PCDHA12: variants seen among roughly 807,000 people sequenced by gnomAD.
PCDHA12 encodes the protein protocadherin alpha 12.
A neutral mutation model predicts 60.0 loss-of-function variants in PCDHA12; 44 were observed. The observed-to-expected ratio is 0.73, with a 90% CI of 0.58 to 0.94. PCDHA12 has a LOEUF of 0.94. PCDHA12 is among the 40% of genes least tolerant of loss of function. The pLI is 0.00. For synonymous variants in PCDHA12, 569 were observed against 553.0 expected, an observed-to-expected ratio of 1.03 and a Z score of -0.40; for missense variants, 1,276 against 1,239.7, an observed-to-expected ratio of 1.03 and a Z score of -0.44.
At chr5:140,883,446 T>TCCC (rs2059615161) in intron 1 of PCDHA12, 1 of 1,614,012 alleles carries the variant, frequency 6.2e-7, no homozygotes, top group African/African-American at 1.3e-5. Context: ...ACGCCGCATG[T>TCCC]CCCCTTCAAG....
chr5:140,995,073 CA>C (rs537697820), intron 3 of PCDHA12, among the ~76,000 whole-genome samples: 319 of 152,298 alleles, frequency 2.1e-3, no homozygotes, highest in African/African-American at 7.3e-3. Flanking sequence ...CAACCTACAG[CA>C]ATCCAAACTT....
intron 1 of PCDHA12, chr5:140,883,197 TC>T: frequency 6.2e-7 from 1 of 1,613,904 alleles, no homozygotes; most frequent in Admixed American, 1.7e-5. Context: ...AAACTAGATT[TC>T]GAAGAAAAGA....
intron 1 of PCDHA12, among the ~76,000 whole-genome samples, chr5:140,951,356 C>T (rs1362153667): frequency 6.6e-6 from 1 of 151,998 alleles, no homozygotes; most frequent in African/African-American, 2.4e-5. Flanking sequence ...CATTATTGCA[C>T]TGTTATAAAG....
chr5:140,884,467 G>A (rs199814121), intron 1 of PCDHA12: 6 of 1,613,778 alleles, frequency 3.7e-6, no homozygotes, highest in Non-Finnish European at 5.1e-6. Context: ...GCGCGTGCGC[G>A]CCGGGCAAGC....
intron 1 of PCDHA12, among the ~76,000 whole-genome samples, chr5:140,977,466 T>A (rs1554238584): frequency 2.0e-5 from 3 of 152,246 alleles, no homozygotes; most frequent in African/African-American, 4.8e-5. Context: ...ATTTGGTCTG[T>A]AGATAATTTT....
intron 1 of PCDHA12, among the ~76,000 whole-genome samples, chr5:140,886,671 C>A (rs1411583056): frequency 6.6e-6 from 1 of 151,634 alleles, no homozygotes; most frequent in East Asian, 1.9e-4. Context: ...ACTAAAAATA[C>A]AAAAATTAGC....
intron 1 of PCDHA12, among the ~76,000 whole-genome samples, chr5:140,907,411 G>T (rs1053744231): frequency 6.6e-6 from 1 of 152,192 alleles, no homozygotes; most frequent in Non-Finnish European, 1.5e-5. Flanking sequence ...GGAATACCAC[G>T]ATGGTGGATA....
At chr5:140,884,345 C>T (rs782318945) in intron 1 of PCDHA12, 1 of 1,613,798 alleles carries the variant, frequency 6.2e-7, no homozygotes, top group Non-Finnish European at 8.5e-7. Flanking sequence ...AGAAGCGGCG[C>T]TGGTGGATGT....
chr5:140,918,107 C>T (rs2078522550), intron 1 of PCDHA12, among the ~76,000 whole-genome samples: 1 of 152,132 alleles, frequency 6.6e-6, no homozygotes. Flanking sequence ...AGATCTTTCA[C>T]ATCCTTGATT....
At chr5:140,926,557 C>G (rs2083347198) in intron 1 of PCDHA12, 1 of 241,254 alleles carries the variant, frequency 4.1e-6, no homozygotes. Context: ...GACCCCAGCC[C>G]GCTGCTACTG....
chr5:140,966,453 C>G, intron 1 of PCDHA12: 1 of 426,310 alleles, frequency 2.3e-6, no homozygotes, highest in Non-Finnish European at 4.1e-6. Flanking sequence ...TTCCCCCTCC[C>G]CCTCTGTCTT....
chr5:140,968,597 G>T, intron 1 of PCDHA12: 1 of 1,614,176 alleles, frequency 6.2e-7, no homozygotes, highest in Non-Finnish European at 8.5e-7. Context: ...CATAGCTATG[G>T]ACTCAGACTC....
intron 1 of PCDHA12, among the ~76,000 whole-genome samples, chr5:140,945,249 T>C (rs1181677082): frequency 6.6e-6 from 1 of 152,050 alleles, no homozygotes; most frequent in African/African-American, 2.4e-5. Flanking sequence ...ACCAAGAGGA[T>C]GAAAGACCTG....
At chr5:140,922,255 A>C (rs1415394722) in intron 1 of PCDHA12, among the ~76,000 whole-genome samples, 2 of 152,256 alleles carry the variant, frequency 1.3e-5, no homozygotes, top group Non-Finnish European at 2.9e-5. Flanking sequence ...ATAAGTTACT[A>C]AGTGCCATGA....
intron 1 of PCDHA12, 70 bp downstream of exon 1, chr5:140,877,909 C>A: frequency 6.3e-6 from 9 of 1,432,578 alleles, no homozygotes; most frequent in Non-Finnish European, 7.3e-6. Flanking sequence ...TAACTACATT[C>A]TCTCATTTTT....
rs142105240 is a variant in PCDHA12, at chr5:140,882,817, A to G, written c.2367+4978A>G. The G allele has an allele frequency of 5.3e-5, 86 of 1,614,242 alleles. 1 individual carries two copies. The African/African-American group carries it at 9.9e-4, about 19-fold the overall frequency. The stretch of plus-strand genomic sequence containing the variant: ...ACGATTATTTCACTTTGGACGCACA[A>G]AACAGTCTTGAGCAAATGTCTTCAT... On this transcript the variant is annotated intron_variant, in intron 1 of 3. Transcript: ENST00000398631.
chr5:140,958,492 A>G (rs2095426229), intron 1 of PCDHA12, among the ~76,000 whole-genome samples: 1 of 152,112 alleles, frequency 6.6e-6, no homozygotes, highest in Non-Finnish European at 1.5e-5. Context: ...AAGTCCACAT[A>G]TCCTAGGAGG....
intron 3 of PCDHA12, among the ~76,000 whole-genome samples, chr5:141,000,361 G>GTCTCTC (rs148596731): frequency 3.0e-3 from 79 of 26,442 alleles, no homozygotes; most frequent in East Asian, 6.3e-3. Flanking sequence ...GTCTCTCTCT[G>GTCTCTC]TCTCTCTCTC....
At chr5:140,924,105 C>A (rs140580566) in intron 1 of PCDHA12, among the ~76,000 whole-genome samples, 5 of 152,144 alleles carry the variant, frequency 3.3e-5, no homozygotes, top group Admixed American at 2.6e-4. Flanking sequence ...ATTTTCATTC[C>A]AAAGCAGTTA....
Sources: allele counts gnomAD v4.1 joint callset (sites outside exome capture counted in the v4.1 genomes callset), GRCh38; gene constraint gnomAD v4.1.1; transcripts MANE v1.5; gene names NCBI Gene and HGNC (gene_info 2026-07-23, HGNC 2026-07-21).